Variants in UNC13A observed in about 807,000 individuals in gnomAD.
UNC13A encodes protein unc-13 homolog A.
UNC13A carries 61 observed loss-of-function variants against 219.7 expected under a neutral mutation model. The ratio of observed to expected loss-of-function variants is 0.28; its 90% CI spans 0.23 to 0.34. The LOEUF (loss-of-function observed/expected upper bound fraction) is 0.34. UNC13A is among the 10% of genes least tolerant of loss of function. The probability of loss-of-function intolerance (pLI) is 1.00; values close to 1 mark genes in which losing one functional copy is unlikely to be tolerated. For synonymous variants in UNC13A, 920 were observed against 884.6 expected (o/e 1.04, Z -0.71); for missense variants, 1,476 against 2,270.3 (o/e 0.65, Z 7.11).
rs1378254368 is a variant in UNC13A at position 17,674,278 on chromosome 19, CG to C, written c.152+378del. Among the ~76,000 whole-genome samples, 4 of 152,090 alleles carry C rather than the reference CG, an allele frequency of 2.6e-5. No individual in the cohort carries two copies. Among genetic ancestry groups the C allele is most frequent in the African/African-American group, 9.7e-5 (4 of 41,400 alleles). Reference sequence around the variant, plus strand: ...TAGAGCGAGAACCTGGTGGGAATCACGGGGAAGGCTGTGGGTTTTATTGTGA... The same window carrying C: ...TAGAGCGAGAACCTGGTGGGAATCACGGGAAGGCTGTGGGTTTTATTGTGA... On this transcript the variant is annotated intron_variant, in intron 3 of 43. Coordinates refer to ENST00000519716, the MANE Select transcript of UNC13A (RefSeq NM_001080421.3). This position sits in a 1 kb window ranked among gnomAD's most constrained non-coding sequence, Gnocchi z 5.0.
chr19:17,666,526 G>A, intron 7 of UNC13A, 124 bp downstream of exon 7: 2 of 660,342 alleles, frequency 3.0e-6, no homozygotes, highest in Non-Finnish European at 4.6e-6. Context: ...TACACTGTAA[G>A]TGGACACTGC....
chr19:17,632,912 G>T lies in UNC13A; in HGVS notation c.3302-4C>A. ...CATAGACGATGCTTGTCGTGCTCTG[G>T]CCAGGGACAAAGAGGATGGCACAGC... On this transcript the variant is annotated splice_region_variant and splice_polypyrimidine_tract_variant and intron_variant, in intron 27 of 43. Transcript: ENST00000519716. The T allele has an allele frequency of 3.7e-6, 6 of 1,613,892 alleles. No homozygotes were observed. Among genetic ancestry groups the T allele is most frequent in the Non-Finnish European group, 5.1e-6 (6 of 1,179,896 alleles).
intron 4 of UNC13A, among the ~76,000 whole-genome samples, chr19:17,671,653 A>C (rs898799991): frequency 1.3e-5 from 2 of 152,186 alleles, no homozygotes; most frequent in Non-Finnish European, 2.9e-5. Flanking sequence ...ATGCACCTGC[A>C]GTCCCAGCTA....
At chr19:17,677,352 C>T (rs1367706512) in intron 1 of UNC13A, among the ~76,000 whole-genome samples, 1 of 146,864 alleles carries the variant, frequency 6.8e-6, no homozygotes, top group Admixed American at 6.8e-5. Flanking sequence ...TCCTTTCTTT[C>T]TTTTCTTTTT....
At chr19:17,675,082 C>T (rs2079871172) in intron 2 of UNC13A, among the ~76,000 whole-genome samples, 1 of 152,094 alleles carries the variant, frequency 6.6e-6, no homozygotes, top group South Asian at 2.1e-4. Context: ...AATGCCAGCA[C>T]TTTGGGAGGT....
chr19:17,623,612 G>C lies in UNC13A; in HGVS notation c.4198-65C>G. 6.7e-6 allele frequency: 6 copies of C among 895,556 alleles called. No individual in the cohort carries two copies. The South Asian group carries it at 1.2e-4, about 18-fold the overall frequency. 55.5% of individuals were successfully genotyped at this position (895,556 alleles called of 1,614,324 possible). A position where few individuals can be genotyped will look rare whatever the true frequency, so the allele number is the denominator to read the frequency against. On this transcript the variant is annotated intron_variant, in intron 35 of 43. Transcript: ENST00000519716. ...GAATAAGGTACCATGAGTCTCCCGG[G>C]AAGGCCAGGGAGGGGGCAGAGATGG...
intron 12 of UNC13A, among the ~76,000 whole-genome samples, chr19:17,651,889 T>C (rs1049195565): frequency 2.0e-5 from 3 of 152,174 alleles, no homozygotes; most frequent in East Asian, 1.9e-4. Flanking sequence ...TTTTAAAATA[T>C]CTTGTGCATC....
In UNC13A at chr19:17,605,690, T is replaced by C. The variant is rs2144896163; in HGVS notation, c.*364A>G. ...GGTCTGGGTCCCATCTTATGGCTTT[T>C]CCAGGGGACATGAGGTGGTGCCTCC... On this transcript the variant is annotated 3_prime_UTR_variant, in exon 44 of 44. Transcript: ENST00000519716. 1 of 213,606 alleles carries C rather than the reference T, an allele frequency of 4.7e-6. No homozygotes were observed. The highest frequency in any genetic ancestry group is 1.3e-4 in the South Asian group (1 of 7,490). 13.2% of individuals were successfully genotyped at this position (213,606 alleles called of 1,614,324 possible).
Position 17,606,402 on chromosome 19 carries a change from G to A in UNC13A, c.4812-48C>T, listed in dbSNP as rs1245638421. The A allele has an allele frequency of 2.0e-6, 3 of 1,526,486 alleles. No individual in the cohort carries two copies. The African/African-American group carries it at 4.1e-5, about 21-fold the overall frequency. The allele number at this position is 1,526,486 out of a possible 1,614,324, so 94.6% of individuals were successfully genotyped here. On this transcript the variant is annotated intron_variant, in intron 43 of 43. Coordinates refer to ENST00000519716, the MANE Select transcript of UNC13A (RefSeq NM_001080421.3). The stretch of plus-strand genomic sequence containing the variant: ...TGAGACAGGCCACACCTACTGTGAT[G>A]CCCCGCCCACGGCCCCGTCCCCACC...
intron 1 of UNC13A, among the ~76,000 whole-genome samples, chr19:17,677,234 C>T (rs770828216): frequency 2.6e-5 from 4 of 152,100 alleles, no homozygotes; most frequent in Non-Finnish European, 5.9e-5. Context: ...ATTCAGTTTC[C>T]ATTGCCAACA....
In UNC13A at chr19:17,641,538, T is replaced by C; in HGVS notation, c.2491A>G (p.Thr831Ala). 1 of 1,613,982 alleles carries C rather than the reference T, an allele frequency of 6.2e-7. No homozygotes were observed. Among genetic ancestry groups the C allele is most frequent in the Non-Finnish European group, 8.5e-7 (1 of 1,179,884 alleles). ...ACGACCCCATTGTTCTGCACGTCGG[T>C]CACGAAGTGGAACAGGTTCTGCCAC... ...CLHENLFHFV[T>A]DVQNNGVVKI... Residue 831 changes from threonine (T) to alanine (A), a missense_variant, in exon 21 of 44, where the codon ACC becomes GCC. Coordinates refer to ENST00000519716, the MANE Select transcript of UNC13A (RefSeq NM_001080421.3).
chr19:17,660,636 A>C (rs2079535617), intron 8 of UNC13A, among the ~76,000 whole-genome samples: 5 of 150,236 alleles, frequency 3.3e-5, no homozygotes, highest in Admixed American at 2.7e-4. Context: ...GGTTCAAATG[A>C]TTCTCCTGCC....
At position 17,626,688 on chromosome 19, in the gene UNC13A, C is replaced by T. The variant is rs551281767; in HGVS notation, c.4018G>A (p.Val1340Met). 18 of 1,595,002 alleles carry T rather than the reference C, an allele frequency of 1.1e-5. No individual in the cohort carries two copies. Among genetic ancestry groups the T allele is most frequent in the South Asian group, 3.4e-5 (3 of 87,938 alleles). Residue 1340 changes from valine to methionine, a missense_variant, in exon 34 of 44, where the codon GTG becomes ATG. Val to Met is a conservative substitution (Grantham distance 21). Around this residue, in one of 14 missense-constraint regions of UNC13A, gnomAD observed 218 missense variants for 409.4 expected, o/e 0.53. Transcript: ENST00000519716. ...AACACATTGTCCGCGTCCTGGGCCA[C>T]GCTGCTGCAGGCACTGGCTGGCACA... The part of the protein sequence containing the change: ...GNVPASACSS[V>M]AQDADNVLQP...
chr19:17,639,172 C>G lies in UNC13A; in HGVS notation c.2992G>C (p.Asp998His). ...SPPRASQVVK[D>H]CVKACLNSTY... The stretch of plus-strand genomic sequence containing the variant: ...GAATTAAGGCAGGCTTTCACACAGT[C>G]CTTTACCACCTGGCTGGCTCGGGGC... The change falls in exon 25 of 44, where the codon GAC becomes CAC. Residue 998 changes from aspartate (D) to histidine (H), a missense_variant. Transcript: ENST00000519716. 6.2e-7 allele frequency: 1 copy of G among 1,613,980 alleles called. No individual in the cohort carries two copies.
At chr19:17,672,334 C>T in intron 4 of UNC13A, 44 bp downstream of exon 4, 1 of 1,530,760 alleles carries the variant, frequency 6.5e-7, no homozygotes. Context: ...TGGGCTTCTG[C>T]AAGGCACTCC....
chr19:17,640,044 T>TG (rs2076952148), intron 22 of UNC13A, 136 bp from the exon 23 acceptor site: 9 of 908,450 alleles, frequency 9.9e-6, no homozygotes, highest in South Asian at 4.9e-5. Context: ...GCATTTTTTT[T>TG]TTTGTTTTGA....
chr19:17,663,312 G>T, intron 8 of UNC13A, among the ~76,000 whole-genome samples: 1 of 85,684 alleles, frequency 1.2e-5, no homozygotes, highest in Admixed American at 1.6e-4. Flanking sequence ...CCACCCCAAT[G>T]ACGGTGCCCA....
chr19:17,668,212 T>C, intron 5 of UNC13A, 22 bp from the exon 6 acceptor site: 1 of 1,609,784 alleles, frequency 6.2e-7, no homozygotes, highest in Non-Finnish European at 8.5e-7. Context: ...GCCCTGTCTG[T>C]GAGCCTGGAA....
intron 38 of UNC13A, among the ~76,000 whole-genome samples, chr19:17,619,512 T>C (rs2076705621): frequency 6.6e-6 from 1 of 151,592 alleles, no homozygotes; most frequent in South Asian, 2.1e-4. Context: ...CATAGCTCAT[T>C]GCAGCCTCAA....
Sources: gnomAD v4.1 joint callset for allele counts (sites outside exome capture counted in the v4.1 genomes callset) on GRCh38, gnomAD v4.1.1 for gene constraint, gnomAD v4.1.1 regional missense constraint, Gnocchi (gnomAD v3.1) non-coding constraint, MANE v1.5 for transcripts, NCBI Gene and HGNC (gene_info 2026-07-23, HGNC 2026-07-21) for gene names.